The following BNIP2 variants were observed in gnomAD, a reference collection of about 807,000 sequenced individuals.
BNIP2 encodes the protein BCL2/adenovirus E1B 19 kDa protein-interacting protein 2.
A neutral mutation model predicts 43.4 loss-of-function variants in BNIP2; 36 were observed. The observed-to-expected ratio is 0.83, with a 90% CI of 0.64 to 1.10. The LOEUF (loss-of-function observed/expected upper bound fraction) is 1.10, where lower values mean the gene tolerates loss of function less well. Ranked by LOEUF, BNIP2 falls within the 50% of genes least tolerant of loss-of-function variation. The pLI is 0.00. For synonymous variants in BNIP2, 146 were observed against 121.0 expected (o/e 1.21, Z -1.35); for missense variants, 417 against 374.1 (o/e 1.11, Z -0.95).
intron 5 of BNIP2, among the ~76,000 whole-genome samples, chr15:59,673,845 C>T (rs547960289): frequency 5.3e-5 from 8 of 152,130 alleles, no homozygotes; most frequent in South Asian, 4.2e-4. Context: ...TCCAGCACTT[C>T]GGGAGGCTGA....
At chr15:59,681,614 T>G (rs1893678297) in intron 2 of BNIP2, among the ~76,000 whole-genome samples, 1 of 151,982 alleles carries the variant, frequency 6.6e-6, no homozygotes, top group African/African-American at 2.4e-5. Flanking sequence ...CCTGGCTAAT[T>G]TTTTGTATTT....
chr15:59,674,428 G>C (rs1893139197), intron 5 of BNIP2, among the ~76,000 whole-genome samples: 1 of 152,118 alleles, frequency 6.6e-6, no homozygotes, highest in African/African-American at 2.4e-5. Flanking sequence ...AGAGATTTAA[G>C]CCATAAATCA....
At chr15:59,677,826 A>T in intron 5 of BNIP2, 85 bp downstream of exon 5, 1 of 1,469,380 alleles carries the variant, frequency 6.8e-7, no homozygotes, top group Non-Finnish European at 9.1e-7. Flanking sequence ...GGGCTTATTT[A>T]CTCTTAATAA....
intron 1 of BNIP2, among the ~76,000 whole-genome samples, chr15:59,684,261 G>C (rs944556525): frequency 6.6e-6 from 1 of 152,192 alleles, no homozygotes. Flanking sequence ...AAAAATGGTA[G>C]ATGCTGACTT....
At chr15:59,673,857 G>A (rs1297863562) in intron 5 of BNIP2, among the ~76,000 whole-genome samples, 1 of 152,102 alleles carries the variant, frequency 6.6e-6, no homozygotes, top group African/African-American at 2.4e-5. Flanking sequence ...GGAGGCTGAG[G>A]TGGGCAGATC....
intron 5 of BNIP2, 115 bp downstream of exon 5, chr15:59,677,796 T>G (rs1219840552): frequency 1.5e-6 from 2 of 1,298,694 alleles, no homozygotes; most frequent in Non-Finnish European, 2.0e-6. Context: ...TCTCTCAACC[T>G]AGCGCCTGTG....
At chr15:59,686,648 A>C (rs552921844) in intron 1 of BNIP2, among the ~76,000 whole-genome samples, 1 of 152,354 alleles carries the variant, frequency 6.6e-6, no homozygotes, top group Non-Finnish European at 1.5e-5. Context: ...CATGCTTGAA[A>C]AAATCCTAGA....
intron 1 of BNIP2, 139 bp from the exon 2 acceptor site, chr15:59,682,653 A>ATTTTT: frequency 4.5e-6 from 2 of 443,736 alleles, no homozygotes; most frequent in South Asian, 5.2e-5. Flanking sequence ...CAGGGTTGCA[A>ATTTTT]TTTTTTTTTT....
At position 59,662,901 on chromosome 15, in the gene BNIP2, C is replaced by T. The variant is rs1473327033; in HGVS notation, c.*1168G>A. 2 of 152,158 alleles carry T rather than the reference C, an allele frequency of 1.3e-5. No individual in the cohort carries two copies. The highest frequency in any genetic ancestry group is 1.9e-4 in the East Asian group (1 of 5,204). The allele number at this position is 152,158 out of a possible 1,614,324, so 9.4% of individuals were successfully genotyped here. The stretch of plus-strand genomic sequence containing the variant: ...CACAATTTATTTCAATGTAAAGGTA[C>T]TACCAAATGAAACAGTTTAAATGCT... On this transcript the variant is annotated 3_prime_UTR_variant, in exon 10 of 10. Transcript: ENST00000607373.
intron 9 of BNIP2, among the ~76,000 whole-genome samples, chr15:59,664,431 G>GT (rs1381415074): frequency 1.3e-5 from 2 of 151,990 alleles, no homozygotes; most frequent in East Asian, 3.9e-4. Context: ...ACCCAGGCTG[G>GT]AGTGCAGTGG....
intron 5 of BNIP2, among the ~76,000 whole-genome samples, chr15:59,676,546 C>G (rs1447895231): frequency 6.6e-6 from 1 of 152,128 alleles, no homozygotes; most frequent in Non-Finnish European, 1.5e-5. Flanking sequence ...TGCATATAAT[C>G]ATTTTTAAAT....
At chr15:59,664,984 G>C (rs1399768303) in intron 9 of BNIP2, among the ~76,000 whole-genome samples, 1 of 152,208 alleles carries the variant, frequency 6.6e-6, no homozygotes, top group Non-Finnish European at 1.5e-5. Context: ...TAACATTCAA[G>C]GCCGGATGCC....
Position 59,661,134 on chromosome 15 carries a change from G to A in BNIP2, c.*2935C>T, listed in dbSNP as rs1892240987. The stretch of plus-strand genomic sequence containing the variant: ...GCAGATCATGAGGTCAGGAGTTCGA[G>A]ACCAGCCTAGCATGGCGAAACCCCG... On this transcript the variant is annotated 3_prime_UTR_variant, in exon 10 of 10. Coordinates refer to ENST00000607373, the MANE Select transcript of BNIP2 (RefSeq NM_004330.4). The A allele has an allele frequency of 6.6e-6, 1 of 152,020 alleles. No homozygotes were observed. Among genetic ancestry groups the A allele is most frequent in the African/African-American group, 2.4e-5 (1 of 41,350 alleles). 9.4% of individuals were successfully genotyped at this position (152,020 alleles called of 1,614,324 possible). A position where few individuals can be genotyped will look rare whatever the true frequency, so the allele number is the denominator to read the frequency against.
At chr15:59,688,366 T>C (rs1453801573) in intron 1 of BNIP2, among the ~76,000 whole-genome samples, 1 of 152,032 alleles carries the variant, frequency 6.6e-6, no homozygotes, top group Non-Finnish European at 1.5e-5. Flanking sequence ...AGGTATTAGG[T>C]GAAATAGAGA....
chr15:59,683,039 T>C (rs1893791565), intron 1 of BNIP2, among the ~76,000 whole-genome samples: 1 of 152,264 alleles, frequency 6.6e-6, no homozygotes, highest in African/African-American at 2.4e-5. Flanking sequence ...AAGAAGTCTA[T>C]TCAATAACTT....
rs376816163 is a variant in BNIP2, at chr15:59,680,278, T to C, written c.81A>G (p.Ala27=). Residue 27 remains alanine (A), a synonymous_variant, in exon 3 of 10, where the codon GCA becomes GCG. Transcript: ENST00000607373. ...IPLPEDDSIE[A]DILAITGPED... ...CTGGTCCAGTTATAGCTAGTATATC[T>C]GCTTCAATACTATCATCTTCTGGTA... 6.2e-7 allele frequency: 1 copy of C among 1,603,956 alleles called. No individual in the cohort carries two copies. The highest frequency in any genetic ancestry group is 8.5e-7 in the Non-Finnish European group (1 of 1,174,490).
At chr15:59,667,201 T>A (rs1315435233) in intron 9 of BNIP2, among the ~76,000 whole-genome samples, 2 of 152,212 alleles carry the variant, frequency 1.3e-5, no homozygotes, top group Non-Finnish European at 2.9e-5. Flanking sequence ...TATCACAAAG[T>A]CTACTAAATT....
intron 1 of BNIP2, among the ~76,000 whole-genome samples, chr15:59,685,534 T>A (rs1395456088): frequency 6.6e-6 from 1 of 152,070 alleles, no homozygotes; most frequent in Non-Finnish European, 1.5e-5. Context: ...CAACAAAAAC[T>A]AAATAGCTCC....
At chr15:59,664,709 T>C (rs1031813425) in intron 9 of BNIP2, among the ~76,000 whole-genome samples, 4 of 152,086 alleles carry the variant, frequency 2.6e-5, no homozygotes, top group Non-Finnish European at 1.5e-5. Context: ...TCAAATTACA[T>C]GGCATATTAA....
Sources: allele counts gnomAD v4.1 joint callset (sites outside exome capture counted in the v4.1 genomes callset), GRCh38; gene constraint gnomAD v4.1.1; transcripts MANE v1.5; gene names NCBI Gene and HGNC (gene_info 2026-07-23, HGNC 2026-07-21).